Variants in CHSY3 observed in about 807,000 individuals in gnomAD.
CHSY3 encodes N-acetylgalactosaminyl-proteoglycan 3-beta-glucuronosyltransferase 3.
A neutral mutation model predicts 67.2 loss-of-function variants in CHSY3; 35 were observed. The ratio of observed to expected loss-of-function variants is 0.52; its 90% CI spans 0.40 to 0.69. The LOEUF (loss-of-function observed/expected upper bound fraction) is 0.69, where lower values mean the gene tolerates loss of function less well. CHSY3 is among the 30% of genes least tolerant of loss of function. The probability of loss-of-function intolerance (pLI) is 0.00; values close to 1 mark genes in which losing one functional copy is unlikely to be tolerated. For synonymous variants in CHSY3, 474 were observed against 434.7 expected (o/e 1.09, Z -1.12); for missense variants, 1,069 against 1,138.5 (o/e 0.94, Z 0.88).
At chr5:129,908,769 G>A (rs1760422835) in intron 2 of CHSY3, among the ~76,000 whole-genome samples, 1 of 152,082 alleles carries the variant, frequency 6.6e-6, no homozygotes, top group Non-Finnish European at 1.5e-5. Context: ...TTGGTTAGGT[G>A]TGTAATGGCA....
chr5:129,986,973 A>T (rs571113975), intron 2 of CHSY3, among the ~76,000 whole-genome samples: 36 of 152,288 alleles, frequency 2.4e-4, no homozygotes, highest in Admixed American at 6.5e-4. Flanking sequence ...CTTTTCTTTG[A>T]CTAAAAACAA....
chr5:130,146,412 A>C (rs1020027367), intron 2 of CHSY3, among the ~76,000 whole-genome samples: 1 of 152,162 alleles, frequency 6.6e-6, no homozygotes, highest in Non-Finnish European at 1.5e-5. Flanking sequence ...GATGTTATCA[A>C]ACATACCAGA....
chr5:130,125,314 G>C (rs964090478), intron 2 of CHSY3, among the ~76,000 whole-genome samples: 2 of 152,108 alleles, frequency 1.3e-5, no homozygotes, highest in Non-Finnish European at 2.9e-5. Context: ...CCACTCAGGA[G>C]ACTGAGGTGG....
At chr5:130,031,319 A>G (rs1580667027) in intron 2 of CHSY3, among the ~76,000 whole-genome samples, 2 of 151,986 alleles carry the variant, frequency 1.3e-5, no homozygotes, top group South Asian at 4.1e-4. Context: ...ATACTTATTT[A>G]TTTGCTGTTA....
chr5:130,003,278 G>A (rs569136662), intron 2 of CHSY3, among the ~76,000 whole-genome samples: 3 of 152,170 alleles, frequency 2.0e-5, no homozygotes, highest in Non-Finnish European at 2.9e-5. Flanking sequence ...GAATTTGCTG[G>A]TATGTAAAAA....
At chr5:130,135,998 T>C (rs1768648264) in intron 2 of CHSY3, among the ~76,000 whole-genome samples, 1 of 152,208 alleles carries the variant, frequency 6.6e-6, no homozygotes, top group African/African-American at 2.4e-5. Context: ...TGTTTAAAAT[T>C]CACTAAGAAA....
chr5:130,161,969 G>A (rs1213814209), intron 2 of CHSY3, among the ~76,000 whole-genome samples: 1 of 149,132 alleles, frequency 6.7e-6, no homozygotes, highest in Non-Finnish European at 1.5e-5. Flanking sequence ...GAGCCTGGGA[G>A]TTTGAGGCTG....
intron 2 of CHSY3, among the ~76,000 whole-genome samples, chr5:130,077,044 A>C (rs1766287984): frequency 6.6e-6 from 1 of 151,698 alleles, no homozygotes. Flanking sequence ...ACATGTATAC[A>C]TATGTAACTA....
chr5:130,093,079 G>T (rs7708382), intron 2 of CHSY3, among the ~76,000 whole-genome samples: 18,021 of 151,992 alleles, frequency 0.12, 1,485 homozygotes, highest in African/African-American at 0.23. Context: ...TCAATTTATG[G>T]GTTTATTCAA....
At chr5:129,969,567 A>T (rs1223261631) in intron 2 of CHSY3, among the ~76,000 whole-genome samples, 1 of 151,908 alleles carries the variant, frequency 6.6e-6, no homozygotes, top group Admixed American at 6.6e-5. Flanking sequence ...AAGCCTAAAA[A>T]GAAACTCTTT....
intron 2 of CHSY3, among the ~76,000 whole-genome samples, chr5:129,976,190 C>G (rs1003879821): frequency 6.6e-6 from 1 of 152,100 alleles, no homozygotes. Context: ...TAGTGGAGTT[C>G]TCTCGAAGAA....
At position 130,184,291 on chromosome 5, in the gene CHSY3, C is replaced by CTATTTT. The variant is rs1282153553; in HGVS notation, c.1149_1150insTATTTT (p.His383_Asn384insTyrPhe). 1.2e-6 allele frequency: 2 copies of CTATTTT among 1,613,596 alleles called. No individual in the cohort carries two copies. Among genetic ancestry groups the CTATTTT allele is most frequent in the Non-Finnish European group, 1.7e-6 (2 of 1,179,764 alleles). On this transcript the variant is annotated inframe_insertion, in exon 3 of 3. Coordinates refer to ENST00000305031, the MANE Select transcript of CHSY3 (RefSeq NM_175856.5). Reference sequence around the variant, plus strand: ...GGAAGGGTTACATCCAAGACCTTCACAATAGCAAAATCCATGCAGCCATAA... The same window carrying CTATTTT: ...GGAAGGGTTACATCCAAGACCTTCACTATTTTAATAGCAAAATCCATGCAGCCATAA...
chr5:129,956,217 A>C (rs1762168796), intron 2 of CHSY3, among the ~76,000 whole-genome samples: 1 of 152,096 alleles, frequency 6.6e-6, no homozygotes, highest in Non-Finnish European at 1.5e-5. Context: ...TTGACATTTT[A>C]ATAATAACCA....
At chr5:130,015,494 C>T (rs903366060) in intron 2 of CHSY3, among the ~76,000 whole-genome samples, 6 of 152,128 alleles carry the variant, frequency 3.9e-5, no homozygotes, top group African/African-American at 7.2e-5. Context: ...AAATGTTCAG[C>T]GTCACTGATC....
At chr5:130,095,273 T>C (rs1456868265) in intron 2 of CHSY3, among the ~76,000 whole-genome samples, 2 of 152,188 alleles carry the variant, frequency 1.3e-5, no homozygotes, top group Non-Finnish European at 2.9e-5. Flanking sequence ...TAGTAGTTTC[T>C]AAATACAGTT....
intron 2 of CHSY3, among the ~76,000 whole-genome samples, chr5:129,931,100 A>C (rs1266705219): frequency 6.6e-6 from 1 of 152,170 alleles, no homozygotes. Flanking sequence ...CACCGAAAAT[A>C]ACTCCTGTTT....
intron 2 of CHSY3, among the ~76,000 whole-genome samples, chr5:130,099,215 G>A (rs1767148381): frequency 6.6e-6 from 1 of 152,194 alleles, no homozygotes; most frequent in Non-Finnish European, 1.5e-5. Flanking sequence ...TGATAAAAAT[G>A]GAATAATTAC....
intron 2 of CHSY3, among the ~76,000 whole-genome samples, chr5:129,933,576 G>A (rs1761386356): frequency 6.6e-6 from 1 of 152,066 alleles, no homozygotes; most frequent in Non-Finnish European, 1.5e-5. Context: ...AGTAATGTTA[G>A]CTAAGTTAAT....
chr5:129,945,810 A>C (rs1761836631), intron 2 of CHSY3, among the ~76,000 whole-genome samples: 1 of 152,208 alleles, frequency 6.6e-6, no homozygotes, highest in African/African-American at 2.4e-5. Context: ...TTTCTTATGA[A>C]GGAAAAAAAC....
Sources: allele counts gnomAD v4.1 joint callset (sites outside exome capture counted in the v4.1 genomes callset), GRCh38; gene constraint gnomAD v4.1.1; transcripts MANE v1.5; gene names NCBI Gene and HGNC (gene_info 2026-07-23, HGNC 2026-07-21).